PDE3A: variants seen among roughly 807,000 people sequenced by gnomAD.
PDE3A encodes cGMP-inhibited 3',5'-cyclic phosphodiesterase 3A.
Under a neutral mutation model 98.3 loss-of-function variants are expected in PDE3A, and 43 were observed. That is an observed-to-expected ratio of 0.44 (90% confidence interval 0.34 to 0.56). The LOEUF (loss-of-function observed/expected upper bound fraction) is 0.56, where lower values mean the gene tolerates loss of function less well. Among genes scored for constraint, PDE3A ranks in the 20% least tolerant of loss-of-function variants. The pLI is 0.01. For synonymous variants in PDE3A, 663 were observed against 567.9 expected, an observed-to-expected ratio of 1.17 and a Z score of -2.38; for missense variants, 1,427 against 1,440.7, an observed-to-expected ratio of 0.99 and a Z score of 0.15.
intron 1 of PDE3A, among the ~76,000 whole-genome samples, chr12:20,513,750 A>G (rs1721743811): frequency 6.6e-6 from 1 of 152,198 alleles, no homozygotes; most frequent in South Asian, 2.1e-4. Context: ...CACATCTGAT[A>G]GAGATTCCAC....
At chr12:20,648,276 ATATAT>A (rs1348813106) in intron 12 of PDE3A, among the ~76,000 whole-genome samples, 5 of 150,158 alleles carry the variant, frequency 3.3e-5, no homozygotes, top group Non-Finnish European at 5.9e-5. Flanking sequence ...TGGTATAATT[ATATAT>A]TATATTTATA....
intron 10 of PDE3A, among the ~76,000 whole-genome samples, chr12:20,643,454 T>G (rs1944692394): frequency 6.6e-6 from 1 of 152,316 alleles, no homozygotes; most frequent in South Asian, 2.1e-4. Flanking sequence ...GGCATAATAC[T>G]GAGTACATGC....
In PDE3A at chr12:20,677,328, T is replaced by G. The variant is rs1474422302; in HGVS notation, c.3185-2702T>G. Reference sequence around the variant, plus strand: ...ATCTGGGATTTCAAAAAATTCTTATTCATTGGAATCTGTTGCTGGAGGATT... The same window carrying G: ...ATCTGGGATTTCAAAAAATTCTTATGCATTGGAATCTGTTGCTGGAGGATT... On this transcript the variant is annotated intron_variant, in intron 15 of 15. Coordinates refer to ENST00000359062, the MANE Select transcript of PDE3A (RefSeq NM_000921.5). 2.0e-5 allele frequency among the ~76,000 whole-genome samples: 3 copies of G among 152,184 alleles called. No homozygotes were observed. In the East Asian group the frequency reaches 5.8e-4, roughly 29 times the overall value.
At chr12:20,596,547 AAG>A (rs1401799908) in intron 2 of PDE3A, among the ~76,000 whole-genome samples, 3 of 152,194 alleles carry the variant, frequency 2.0e-5, no homozygotes, top group African/African-American at 7.2e-5. Flanking sequence ...ATTACCACCT[AAG>A]AGGAAAATGA....
At chr12:20,657,406 C>T (rs1243190907) in intron 15 of PDE3A, among the ~76,000 whole-genome samples, 2 of 152,084 alleles carry the variant, frequency 1.3e-5, no homozygotes, top group Admixed American at 1.3e-4. Context: ...TTGCCTAATA[C>T]TTAGGTTTCA....
At chr12:20,479,869 T>A (rs1234700454) in intron 1 of PDE3A, among the ~76,000 whole-genome samples, 1 of 152,240 alleles carries the variant, frequency 6.6e-6, no homozygotes, top group East Asian at 1.9e-4. Flanking sequence ...AATGGACTGG[T>A]ATAGCAAAGC....
chr12:20,670,288 A>G (rs1286328065), intron 15 of PDE3A, among the ~76,000 whole-genome samples: 1 of 147,578 alleles, frequency 6.8e-6, no homozygotes, highest in Non-Finnish European at 1.5e-5. Flanking sequence ...AGACAGATCA[A>G]CGAGACAGAA....
At chr12:20,621,903 G>A (rs1014777536) in intron 5 of PDE3A, among the ~76,000 whole-genome samples, 2 of 151,930 alleles carry the variant, frequency 1.3e-5, no homozygotes, top group Non-Finnish European at 2.9e-5. Flanking sequence ...ATTTGTTCAG[G>A]GTCCTTGCTC....
At chr12:20,675,452 C>T (rs773145212) in intron 15 of PDE3A, among the ~76,000 whole-genome samples, 16 of 152,040 alleles carry the variant, frequency 1.1e-4, no homozygotes, top group African/African-American at 2.4e-4. Context: ...TTAAATCCAA[C>T]GTTTATTTAT....
At chr12:20,550,388 T>C (rs1443600247) in intron 1 of PDE3A, among the ~76,000 whole-genome samples, 1 of 152,134 alleles carries the variant, frequency 6.6e-6, no homozygotes, top group Non-Finnish European at 1.5e-5. Context: ...CCTATTTTAA[T>C]GTAAGGTATT....
chr12:20,498,553 T>C (rs1945965830), intron 1 of PDE3A, among the ~76,000 whole-genome samples: 1 of 152,182 alleles, frequency 6.6e-6, no homozygotes, highest in Non-Finnish European at 1.5e-5. Context: ...TATATGCAAA[T>C]ACTATACCAT....
chr12:20,534,090 A>C (rs1470311274), intron 1 of PDE3A, among the ~76,000 whole-genome samples: 1 of 152,144 alleles, frequency 6.6e-6, no homozygotes. Context: ...AACCCTCTTC[A>C]ACCTTCAAGC....
At chr12:20,494,298 G>A (rs1461760133) in intron 1 of PDE3A, among the ~76,000 whole-genome samples, 1 of 152,170 alleles carries the variant, frequency 6.6e-6, no homozygotes, top group Non-Finnish European at 1.5e-5. Context: ...CTTTATTGAA[G>A]AAGAGCTTTT....
chr12:20,386,070 A>AAATATATATAT (rs1565532446), intron 1 of PDE3A, among the ~76,000 whole-genome samples: 3 of 37,146 alleles, frequency 8.1e-5, no homozygotes, highest in Admixed American at 4.7e-4. Flanking sequence ...AAATATATAT[A>AAATATATATAT]AAATATATAT....
chr12:20,480,448 G>T (rs1283003122), intron 1 of PDE3A, among the ~76,000 whole-genome samples: 1 of 152,272 alleles, frequency 6.6e-6, no homozygotes, highest in Non-Finnish European at 1.5e-5. Flanking sequence ...AAGCTACTGT[G>T]TGTCCAAAGC....
intron 15 of PDE3A, among the ~76,000 whole-genome samples, chr12:20,669,660 GTCACCAC>G (rs1945417201): frequency 6.6e-6 from 1 of 151,794 alleles, no homozygotes; most frequent in Non-Finnish European, 1.5e-5. Context: ...GAGAGATTTT[GTCACCAC>G]CAGGCCTGCC....
In PDE3A at chr12:20,685,059, GC is replaced by G. The variant is rs1945916763; in HGVS notation, c.*4789del. Among the ~76,000 whole-genome samples, 1 of 152,170 alleles carries G rather than the reference GC, an allele frequency of 6.6e-6. No individual in the cohort carries two copies. The highest frequency in any genetic ancestry group is 2.4e-5 in the African/African-American group (1 of 41,448). ...ATGGTGCTTTTACCTAACTTGAAGTGCTTTTTGTGTTCCCACCAGCAAATCA... is the reference window on the plus strand; with the variant it reads ...ATGGTGCTTTTACCTAACTTGAAGTGTTTTTGTGTTCCCACCAGCAAATCA... On this transcript the variant is annotated 3_prime_UTR_variant, in exon 16 of 16. Transcript: ENST00000359062.
At chr12:20,603,423 A>G (rs1943640243) in intron 2 of PDE3A, among the ~76,000 whole-genome samples, 1 of 152,224 alleles carries the variant, frequency 6.6e-6, no homozygotes, top group Non-Finnish European at 1.5e-5. Context: ...CTTCTGTACA[A>G]TCACTTTTTA....
chr12:20,539,124 T>C (rs1941830111), intron 1 of PDE3A, among the ~76,000 whole-genome samples: 1 of 152,114 alleles, frequency 6.6e-6, no homozygotes, highest in Non-Finnish European at 1.5e-5. Flanking sequence ...CGGTTGAGAA[T>C]CCCTTATCTA....
Sources: allele counts gnomAD v4.1 joint callset (sites outside exome capture counted in the v4.1 genomes callset), GRCh38; gene constraint gnomAD v4.1.1; transcripts MANE v1.5; gene names NCBI Gene and HGNC (gene_info 2026-07-23, HGNC 2026-07-21).